SULT1C4: variants seen among roughly 807,000 people sequenced by gnomAD.
SULT1C4 encodes the protein sulfotransferase family 1C member 4, also known as sulfotransferase 1C4.
SULT1C4 carries 32 observed loss-of-function variants against 34.8 expected under a neutral mutation model. The observed-to-expected ratio is 0.92, with a 90% CI of 0.69 to 1.23. The LOEUF is 1.23. SULT1C4 is among the 50% of genes most tolerant of loss of function. SULT1C4 has a pLI of 0.00. For synonymous variants in SULT1C4, 111 were observed against 120.5 expected (o/e 0.92, Z 0.51); for missense variants, 375 against 365.9 (o/e 1.02, Z -0.20).
intron 2 of SULT1C4, 27 bp downstream of exon 2, chr2:108,381,914 AC>A: frequency 1.4e-6 from 2 of 1,453,118 alleles, no homozygotes; most frequent in Non-Finnish European, 1.8e-6. Context: ...ACACTTCACT[AC>A]AGTCCTAAAA....
Position 108,378,327 on chromosome 2 carries a change from T to A in SULT1C4, c.-11T>A, listed in dbSNP as rs773333740. On this transcript the variant is annotated 5_prime_UTR_variant, in exon 1 of 7. Coordinates refer to ENST00000272452, the MANE Select transcript of SULT1C4 (RefSeq NM_006588.4). ...TTTGTGTCTGGAAGAGCCCTCTGAT[T>A]TCTTACACTAATGGCCTTACACGAC... is the stretch of plus-strand genomic sequence containing the variant. 1 of 1,611,148 alleles carries A rather than the reference T, an allele frequency of 6.2e-7. No individual in the cohort carries two copies. Among genetic ancestry groups the A allele is most frequent in the East Asian group, 2.2e-5 (1 of 44,864 alleles).
Position 108,378,221 on chromosome 2 carries a change from A to G in SULT1C4, c.-117A>G. 3 of 999,902 alleles carry G rather than the reference A, an allele frequency of 3.0e-6. No homozygotes were observed. Among genetic ancestry groups the G allele is most frequent in the Non-Finnish European group, 4.4e-6 (3 of 678,060 alleles). The allele number at this position is 999,902 out of a possible 1,614,324, so 61.9% of individuals were successfully genotyped here. ...TTGCTGGCCCAGACAGGCCTGTGCT[A>G]GAGGGCTGGATAGTGTGGTAGTGTG... On this transcript the variant is annotated 5_prime_UTR_variant, in exon 1 of 7. Transcript: ENST00000272452.
Position 108,383,188 on chromosome 2 carries a change from A to G in SULT1C4, c.489A>G (p.Glu163=). The G allele has an allele frequency of 1.2e-6, 2 of 1,612,322 alleles. No homozygotes were observed. The highest frequency in any genetic ancestry group is 1.7e-6 in the Non-Finnish European group (2 of 1,179,630). Residue 163 remains glutamate (E), a synonymous_variant, in exon 4 of 7, where the codon GAA becomes GAG. Transcript: ENST00000272452. ...CTCTTCCTGCTCCAGGAACATGGGA[A>G]GAGTATTTTGAGACTTTTCTGGCTG... is the stretch of plus-strand genomic sequence containing the variant. ...NKALPAPGTW[E]EYFETFLAGK...
intron 2 of SULT1C4, 41 bp from the exon 3 acceptor site, chr2:108,382,342 TAA>T: frequency 7.1e-7 from 1 of 1,411,706 alleles, no homozygotes; most frequent in Non-Finnish European, 9.9e-7. Context: ...AGCAAATAGA[TAA>T]AAAAAAAATC....
At chr2:108,383,049 C>T in intron 3 of SULT1C4, 44 bp from the exon 4 acceptor site, 1 of 1,487,968 alleles carries the variant, frequency 6.7e-7, no homozygotes, top group South Asian at 1.4e-5. Context: ...AAAAAAATTC[C>T]TGTTTTTTTG....
chr2:108,382,614 T>A, intron 3 of SULT1C4, 132 bp downstream of exon 3: 1 of 750,888 alleles, frequency 1.3e-6, no homozygotes, highest in Admixed American at 2.5e-5. Flanking sequence ...CAAATTAATA[T>A]GAATCCTAGC....
rs540800106 is a variant in SULT1C4 at position 108,381,557 on chromosome 2, C to T, written c.170-205C>T. 2.5e-4 allele frequency among the ~76,000 whole-genome samples: 38 copies of T among 152,146 alleles called. No homozygotes were observed. The South Asian group carries it at 5.0e-3, about 20-fold the overall frequency. ...ACCCCTGCTACTCAGGAGGCTGAGG[C>T]GAGAGGATCGCTTGAACCCAGGAGG... is the stretch of plus-strand genomic sequence containing the variant. On this transcript the variant is annotated intron_variant, in intron 1 of 6. Transcript: ENST00000272452.
At chr2:108,379,778 T>A (rs939176340) in intron 1 of SULT1C4, among the ~76,000 whole-genome samples, 1 of 152,240 alleles carries the variant, frequency 6.6e-6, no homozygotes, top group Middle Eastern at 3.4e-3. Context: ...AAAAGAATAA[T>A]ACTCTGAATG....
chr2:108,381,727 G>C, intron 1 of SULT1C4, 35 bp from the exon 2 acceptor site: 1 of 1,360,670 alleles, frequency 7.3e-7, no homozygotes, highest in Non-Finnish European at 9.5e-7. Flanking sequence ...TACTATACTA[G>C]ATGTCTATTC....
rs35721028 is a variant in SULT1C4, at chr2:108,388,378, G to GC, written c.*946_*947insC. Among the ~76,000 whole-genome samples, 57,239 of 151,958 alleles carry GC rather than the reference G, an allele frequency of 0.38. 14,506 individuals are homozygous for GC. The highest frequency in any genetic ancestry group is 0.72 in the African/African-American group (29,672 of 41,388). On this transcript the variant is annotated 3_prime_UTR_variant, in exon 7 of 7. Coordinates refer to ENST00000272452, the MANE Select transcript of SULT1C4 (RefSeq NM_006588.4). The stretch of plus-strand genomic sequence containing the variant: ...CACCACAATCCATTCTAATATGTCA[G>GC]AAAATCTGTCAGTTTTAATCTACGA...
intron 1 of SULT1C4, among the ~76,000 whole-genome samples, chr2:108,379,321 A>T (rs964697054): frequency 6.6e-6 from 1 of 152,138 alleles, no homozygotes; most frequent in African/African-American, 2.4e-5. Context: ...ATCTCTCAAG[A>T]TCCTGACAGA....
chr2:108,381,954 C>A, intron 2 of SULT1C4, 67 bp downstream of exon 2: 1 of 1,393,192 alleles, frequency 7.2e-7, no homozygotes, highest in Non-Finnish European at 9.4e-7. Context: ...TGTCTTTGCA[C>A]CTTTCGAAAT....
intron 5 of SULT1C4, among the ~76,000 whole-genome samples, chr2:108,384,478 C>T (rs1276701531): frequency 6.6e-6 from 1 of 152,180 alleles, no homozygotes; most frequent in Non-Finnish European, 1.5e-5. Context: ...CTGCCCGCCT[C>T]GGCCTCCCAA....
chr2:108,381,558 G>A (rs555866676), intron 1 of SULT1C4, among the ~76,000 whole-genome samples: 11 of 152,140 alleles, frequency 7.2e-5, no homozygotes, highest in South Asian at 2.1e-4. Flanking sequence ...AGGCTGAGGC[G>A]AGAGGATCGC....
intron 5 of SULT1C4, among the ~76,000 whole-genome samples, chr2:108,385,252 G>T (rs1245198082): frequency 6.6e-6 from 1 of 152,228 alleles, no homozygotes; most frequent in African/African-American, 2.4e-5. Context: ...CCATGTCAGA[G>T]AAAGGATATG....
Position 108,383,481 on chromosome 2 carries a change from C to A in SULT1C4, c.586C>A (p.Leu196Ile). ...WWEAKDKHRI[L>I]YLFYEDMKKN... Reference sequence around the variant, plus strand: ...GGAAGCCAAAGACAAACACCGTATTCTCTATCTCTTCTATGAGGACATGAA... The same window carrying A: ...GGAAGCCAAAGACAAACACCGTATTATCTATCTCTTCTATGAGGACATGAA... The change falls in exon 5 of 7, where the codon CTC becomes ATC. Residue 196 changes from leucine (L) to isoleucine (I), a missense_variant. By Grantham distance (5) the Leu-to-Ile change is conservative. Coordinates refer to ENST00000272452, the MANE Select transcript of SULT1C4 (RefSeq NM_006588.4). The A allele has an allele frequency of 6.2e-7, 1 of 1,614,176 alleles. No homozygotes were observed.
intron 5 of SULT1C4, 75 bp from the exon 6 acceptor site, chr2:108,386,117 G>A (rs1678560356): frequency 1.7e-6 from 2 of 1,170,686 alleles, no homozygotes; most frequent in Non-Finnish European, 2.2e-6. Context: ...ACCGGTTACT[G>A]TCATTAATCC....
At position 108,388,759 on chromosome 2, in the gene SULT1C4, C is replaced by G. The variant is rs1678633733; in HGVS notation, c.*1327C>G. Among the ~76,000 whole-genome samples, 2 of 152,140 alleles carry G rather than the reference C, an allele frequency of 1.3e-5. No homozygotes were observed. Among genetic ancestry groups the G allele is most frequent in the Admixed American group, 1.3e-4 (2 of 15,274 alleles). ...AGCAAATTAGCCTACTTACTGGGTCCTAGTCACATCTTACCACTTCCTACC... is the reference window on the plus strand; with the variant it reads ...AGCAAATTAGCCTACTTACTGGGTCGTAGTCACATCTTACCACTTCCTACC... On this transcript the variant is annotated 3_prime_UTR_variant, in exon 7 of 7. Coordinates refer to ENST00000272452, the MANE Select transcript of SULT1C4 (RefSeq NM_006588.4).
At position 108,388,431 on chromosome 2, in the gene SULT1C4, A is replaced by G. The variant is rs1376178325; in HGVS notation, c.*999A>G. On this transcript the variant is annotated 3_prime_UTR_variant, in exon 7 of 7. Transcript: ENST00000272452. ...TCTCTTAAAATATTTCCGTCTAACC[A>G]TTCCTTGTTTTCCTTCTATTTCTAT... Among the ~76,000 whole-genome samples, 1 of 152,138 alleles carries G rather than the reference A, an allele frequency of 6.6e-6. No individual in the cohort carries two copies. The highest frequency in any genetic ancestry group is 2.4e-5 in the African/African-American group (1 of 41,440).
Sources: gnomAD v4.1 joint callset for allele counts (sites outside exome capture counted in the v4.1 genomes callset) on GRCh38, gnomAD v4.1.1 for gene constraint, MANE v1.5 for transcripts, NCBI Gene and HGNC (gene_info 2026-07-23, HGNC 2026-07-21) for gene names.